CYRIB: variants seen among roughly 807,000 people sequenced by gnomAD.
The protein encoded by CYRIB is CYFIP related Rac1 interactor B, also known as CYFIP-related Rac1 interactor B.
Under a neutral mutation model 44.2 loss-of-function variants are expected in CYRIB, and 8 were observed. The observed-to-expected ratio is 0.18, with a 90% CI of 0.11 to 0.33. The LOEUF is 0.33. Among genes scored for constraint, CYRIB ranks in the 10% least tolerant of loss-of-function variants. The probability of loss-of-function intolerance (pLI) is 1.00; values close to 1 mark genes in which losing one functional copy is unlikely to be tolerated. For synonymous variants in CYRIB, 131 were observed against 127.2 expected, an observed-to-expected ratio of 1.03 and a Z score of -0.20; for missense variants, 185 against 382.8, an observed-to-expected ratio of 0.48 and a Z score of 4.31.
intron 1 of CYRIB, among the ~76,000 whole-genome samples, chr8:129,976,844 G>GT (rs918678888): frequency 4.3e-4 from 65 of 151,172 alleles, no homozygotes; most frequent in Admixed American, 2.5e-3. Context: ...GTTTTTTGGG[G>GT]TTTTTTTTTA....
At chr8:129,924,557 C>T (rs1281629795) in intron 1 of CYRIB, among the ~76,000 whole-genome samples, 1 of 151,982 alleles carries the variant, frequency 6.6e-6, no homozygotes, top group African/African-American at 2.4e-5. Context: ...ATTTTTTGTC[C>T]ACGACTAGCC....
chr8:129,964,417 G>C (rs1010458726), intron 2 of CYRIB, among the ~76,000 whole-genome samples: 1 of 152,134 alleles, frequency 6.6e-6, no homozygotes, highest in South Asian at 2.1e-4. Context: ...GAGGTGCCAG[G>C]GACTAGTGTC....
chr8:129,993,687 ACT>A (rs2096698064), intron 1 of CYRIB, among the ~76,000 whole-genome samples: 1 of 149,048 alleles, frequency 6.7e-6, no homozygotes, highest in African/African-American at 2.5e-5. Context: ...ACAGAGTGAA[ACT>A]CTCTCTCAAA....
At chr8:129,887,613 G>A (rs994710884) in intron 2 of CYRIB, among the ~76,000 whole-genome samples, 3 of 152,236 alleles carry the variant, frequency 2.0e-5, no homozygotes, top group African/African-American at 7.2e-5. Context: ...GCCAGCCCTT[G>A]AGAGCAGCCA....
At chr8:129,923,180 T>TTGCGGTGAGCC (rs2084897932) in intron 1 of CYRIB, among the ~76,000 whole-genome samples, 1 of 145,116 alleles carries the variant, frequency 6.9e-6, no homozygotes, top group Non-Finnish European at 1.5e-5. Flanking sequence ...GAGGCAGAGG[T>TTGCGGTGAGCC]TGTGGTGAGC....
intron 10 of CYRIB, 43 bp downstream of exon 12, chr8:129,849,200 G>T: frequency 6.5e-7 from 1 of 1,530,498 alleles, no homozygotes; most frequent in South Asian, 1.3e-5. Flanking sequence ...TGGTTTCCAT[G>T]GAGAAACTCG....
At chr8:129,849,075 C>A (rs796758199) in intron 10 of CYRIB, among the ~76,000 whole-genome samples, 168 bp downstream of exon 12, 7 of 152,164 alleles carry the variant, frequency 4.6e-5, no homozygotes, top group African/African-American at 1.7e-4. Context: ...TGAATACAGG[C>A]CACAAGAAAA....
In CYRIB at chr8:129,951,385, G is replaced by A. The variant is rs141915257; in HGVS notation, c.-243+19558C>T. ...ATACATTAAAATCCATCAACCTCAA[G>A]GACAACATACAACTGAGGACATAAG... On this transcript the variant is annotated intron_variant, in intron 2 of 14. Transcript: ENST00000401979. Among the ~76,000 whole-genome samples, 1,373 of 151,960 alleles carry A rather than the reference G, an allele frequency of 9.0e-3. 20 individuals are homozygous for A. The highest frequency in any genetic ancestry group is 0.031 in the African/African-American group (1,287 of 41,438).
intron 1 of CYRIB, among the ~76,000 whole-genome samples, chr8:129,938,033 C>G (rs2093121496): frequency 6.6e-6 from 1 of 152,094 alleles, no homozygotes; most frequent in African/African-American, 2.4e-5. Flanking sequence ...TAAATACTTA[C>G]AGCAATAGCA....
chr8:130,015,936 C>T (rs1246746204), intron 1 of CYRIB, among the ~76,000 whole-genome samples: 1 of 152,092 alleles, frequency 6.6e-6, no homozygotes, highest in South Asian at 2.1e-4. Flanking sequence ...TGGGAGGTGG[C>T]CGGGGGCCAG....
intron 2 of CYRIB, among the ~76,000 whole-genome samples, chr8:129,952,262 T>G (rs1467034954): frequency 6.6e-6 from 1 of 152,150 alleles, no homozygotes. Flanking sequence ...GGTTTCTCCA[T>G]GTTGGTCAGG....
At chr8:129,943,911 TA>T (rs545370945), upstream of CYRIB, among the ~76,000 whole-genome samples, 5,818 of 107,970 alleles carry the variant, frequency 0.054, 307 homozygotes, top group African/African-American at 0.15. Context: ...GACTCCATCT[TA>T]AAAAAAAAAA....
At chr8:129,910,934 AG>A (rs1280696352) in intron 1 of CYRIB, among the ~76,000 whole-genome samples, 2 of 152,220 alleles carry the variant, frequency 1.3e-5, no homozygotes, top group Non-Finnish European at 2.9e-5. Flanking sequence ...CTGGAATTAT[AG>A]GCATGAGCCA....
At chr8:129,982,318 T>C (rs1319683084) in intron 1 of CYRIB, among the ~76,000 whole-genome samples, 1 of 152,244 alleles carries the variant, frequency 6.6e-6, no homozygotes, top group African/African-American at 2.4e-5. Context: ...AACTATCCAA[T>C]ACCTTAGCTT....
chr8:129,986,084 G>A lies in CYRIB; in HGVS notation c.-295-15089C>T, dbSNP rs2096444786. ...GAATTAGTGTCAGGGCACCAGTAGAGGCTTCCAGAAAGTACTGCGATCTGT... is the reference window on the plus strand; with the variant it reads ...GAATTAGTGTCAGGGCACCAGTAGAAGCTTCCAGAAAGTACTGCGATCTGT... On this transcript the variant is annotated intron_variant, in intron 1 of 14. Transcript: ENST00000401979. Among the ~76,000 whole-genome samples the A allele has an allele frequency of 1.3e-5, 2 of 152,176 alleles. 1 individual carries two copies. Among genetic ancestry groups the A allele is most frequent in the African/African-American group, 4.8e-5 (2 of 41,438 alleles).
chr8:129,967,290 A>G (rs1454371611), intron 2 of CYRIB, among the ~76,000 whole-genome samples: 1 of 152,168 alleles, frequency 6.6e-6, no homozygotes, highest in Non-Finnish European at 1.5e-5. Context: ...ACACCATAGG[A>G]ATCAGCAAAT....
intron 5 of CYRIB, among the ~76,000 whole-genome samples, chr8:129,857,931 T>C (rs1228467474): frequency 6.6e-6 from 1 of 152,210 alleles, no homozygotes; most frequent in Non-Finnish European, 1.5e-5. Context: ...CTCTACCACT[T>C]TTGGGACTGG....
chr8:129,867,498 T>C (rs2054401709), intron 4 of CYRIB, among the ~76,000 whole-genome samples: 1 of 152,004 alleles, frequency 6.6e-6, no homozygotes, highest in African/African-American at 2.4e-5. Context: ...AAAGTACTTA[T>C]TTCCCTCTAG....
chr8:130,003,804 G>A (rs766429754), intron 1 of CYRIB, among the ~76,000 whole-genome samples: 6 of 152,262 alleles, frequency 3.9e-5, no homozygotes, highest in Non-Finnish European at 5.9e-5. Context: ...GTCATACCTC[G>A]TTTATTCCTC....
Sources: allele counts gnomAD v4.1 joint callset (sites outside exome capture counted in the v4.1 genomes callset), GRCh38; gene constraint gnomAD v4.1.1; transcripts MANE v1.5; gene names NCBI Gene and HGNC (gene_info 2026-07-23, HGNC 2026-07-21).